PRDM1: variants seen among roughly 807,000 people sequenced by gnomAD.
The protein encoded by PRDM1 is PR domain zinc finger protein 1.
Under a neutral mutation model 62.8 loss-of-function variants are expected in PRDM1, and 13 were observed. That is an observed-to-expected ratio of 0.21 (90% CI 0.13 to 0.33). The LOEUF is 0.33. Among genes scored for constraint, PRDM1 ranks in the 10% least tolerant of loss-of-function variants. The pLI, the probability that PRDM1 is intolerant of heterozygous loss-of-function variation, is 1.00. For missense variants in PRDM1, 895 were observed against 1,058.8 expected (o/e 0.85, Z 2.15); for synonymous variants, 396 against 417.6 (o/e 0.95, Z 0.63).
chr6:106,031,979 T>C (rs1361373734), intron 1 of PRDM1, among the ~76,000 whole-genome samples: 1 of 152,298 alleles, frequency 6.6e-6, no homozygotes, highest in African/African-American at 2.4e-5. Context: ...GGAAACTTAT[T>C]TATTTTTCCT....
At chr6:106,093,858 A>G (rs1347038921) in intron 2 of PRDM1, among the ~76,000 whole-genome samples, 1 of 152,234 alleles carries the variant, frequency 6.6e-6, no homozygotes, top group Non-Finnish European at 1.5e-5. Context: ...TAAAGGACCA[A>G]AAATAACACT....
intron 1 of PRDM1, among the ~76,000 whole-genome samples, chr6:106,074,118 C>A (rs1385866686): frequency 6.6e-6 from 1 of 152,148 alleles, no homozygotes; most frequent in Non-Finnish European, 1.5e-5. Flanking sequence ...TACAAGGCCA[C>A]TATAGCATCT....
intron 1 of PRDM1, among the ~76,000 whole-genome samples, chr6:106,004,526 C>T (rs535713963): frequency 6.6e-6 from 1 of 152,176 alleles, no homozygotes; most frequent in African/African-American, 2.4e-5. Context: ...TATAGTTTGA[C>T]AAAAGAGCCA....
At position 106,109,377 on chromosome 6, in the gene PRDM1, C is replaced by T. The variant is rs1039174434; in HGVS notation, c.*1891C>T. On this transcript the variant is annotated 3_prime_UTR_variant, in exon 7 of 7. Coordinates refer to ENST00000369096, the MANE Select transcript of PRDM1 (RefSeq NM_001198.4). ...AACTGACTTTACCGCTGCAATTTTT[C>T]TGTTTTCCTCCTTACTAAATACTGA... The T allele has an allele frequency of 8.6e-6, 2 of 233,012 alleles. No individual in the cohort carries two copies. The highest frequency in any genetic ancestry group is 6.0e-5 in the East Asian group (1 of 16,594). 14.4% of individuals were successfully genotyped at this position (233,012 alleles called of 1,614,324 possible). A position where few individuals can be genotyped will look rare whatever the true frequency, so the allele number is the denominator to read the frequency against.
chr6:106,077,684 C>A (rs1200033606), intron 1 of PRDM1, among the ~76,000 whole-genome samples: 3 of 152,240 alleles, frequency 2.0e-5, no homozygotes, highest in East Asian at 3.8e-4. Context: ...ATTTCACATG[C>A]TGTGTTTTCA....
intron 3 of PRDM1, chr6:106,098,929 G>A (rs959921328): frequency 8.6e-6 from 13 of 1,517,112 alleles, no homozygotes; most frequent in African/African-American, 5.5e-5. Context: ...CAGCATAATC[G>A]GAACTGAAGT....
intron 1 of PRDM1, among the ~76,000 whole-genome samples, chr6:105,996,929 A>G (rs1483309975): frequency 6.6e-6 from 1 of 152,244 alleles, no homozygotes; most frequent in Non-Finnish European, 1.5e-5. Flanking sequence ...ATTGAAATAA[A>G]TAAGAAAACA....
intron 1 of PRDM1, among the ~76,000 whole-genome samples, chr6:106,016,368 T>G (rs1772619953): frequency 6.6e-6 from 1 of 152,102 alleles, no homozygotes; most frequent in Admixed American, 6.5e-5. Context: ...TTTTAAAAAT[T>G]TATATTATTT....
rs1772324589 is a variant in PRDM1, at chr6:105,994,742, C to T, written c.-67+1103C>T. Among the ~76,000 whole-genome samples, 1 of 152,210 alleles carries T rather than the reference C, an allele frequency of 6.6e-6. No individual in the cohort carries two copies. The highest frequency in any genetic ancestry group is 1.5e-5 in the Non-Finnish European group (1 of 68,036). Reference sequence around the variant, plus strand: ...TCCTCCTGCGGTCAAAGCATCAGTCCTGCCCGTAACTTCCTAACGACATCT... The same window carrying T: ...TCCTCCTGCGGTCAAAGCATCAGTCTTGCCCGTAACTTCCTAACGACATCT... On this transcript the variant is annotated intron_variant, in intron 1 of 6. Coordinates refer to the PRDM1 transcript ENST00000652320. The surrounding 1 kb of genome is among the most constrained non-coding windows in gnomAD (Gnocchi z 4.1).
chr6:106,105,686 C>T lies in PRDM1; in HGVS notation c.1526C>T (p.Ala509Val). The part of the protein sequence containing the change: ...TGAAASMKDK[A>V]CSPTSGSPTA... ...GCCGCCGCCAGCATGAAGGACAAGG[C>T]CTGTAGCCCCACAAGCGGGTCTCCC... The change falls in exon 5 of 7, where the codon GCC becomes GTC. Residue 509 changes from alanine to valine, a missense_variant. Transcript: ENST00000369096. The T allele has an allele frequency of 2.5e-6, 4 of 1,613,696 alleles. No homozygotes were observed. The highest frequency in any genetic ancestry group is 1.1e-5 in the South Asian group (1 of 91,050).
chr6:106,019,198 G>A (rs1002909441), intron 1 of PRDM1, among the ~76,000 whole-genome samples: 2 of 146,604 alleles, frequency 1.4e-5, no homozygotes, highest in Admixed American at 1.4e-4. Context: ...CCTGGGAGGT[G>A]GAGGTGGAGG....
At chr6:106,054,343 T>C (rs1466677880) in intron 1 of PRDM1, among the ~76,000 whole-genome samples, 2 of 152,140 alleles carry the variant, frequency 1.3e-5, no homozygotes, top group Non-Finnish European at 2.9e-5. Context: ...TTTGTGTGTA[T>C]ACCTGGTGTA....
At chr6:106,071,234 C>CT (rs1206908812) in intron 1 of PRDM1, among the ~76,000 whole-genome samples, 4 of 151,848 alleles carry the variant, frequency 2.6e-5, no homozygotes, top group African/African-American at 9.7e-5. Context: ...GATCACACCA[C>CT]TGTACTCCAG....
In PRDM1 at chr6:106,007,481, A is replaced by G. The variant is rs530364741; in HGVS notation, c.-67+13842A>G. On this transcript the variant is annotated intron_variant, in intron 1 of 6. Transcript: ENST00000652320. ...AAAGGCAACTGTCATTTTTGTTACA[A>G]TACTATTTGAGCAGACCATTCATGT... Among the ~76,000 whole-genome samples the G allele has an allele frequency of 3.3e-5, 5 of 152,330 alleles. No homozygotes were observed. The East Asian group carries it at 9.6e-4, about 29-fold the overall frequency.
intron 1 of PRDM1, among the ~76,000 whole-genome samples, chr6:106,024,166 A>G (rs554412926): frequency 7.5e-4 from 114 of 152,028 alleles, no homozygotes; most frequent in Admixed American, 2.4e-3. Flanking sequence ...ATCAGTGCCT[A>G]CGTGTTAATT....
chr6:106,073,098 CTCTTT>C (rs749499964), intron 1 of PRDM1, among the ~76,000 whole-genome samples: 12 of 148,696 alleles, frequency 8.1e-5, no homozygotes, highest in Middle Eastern at 3.5e-3. Context: ...TCTCAATTTC[CTCTTT>C]TCTTTTTTTT....
chr6:106,006,531 A>G (rs1395169939), intron 1 of PRDM1, among the ~76,000 whole-genome samples: 1 of 151,896 alleles, frequency 6.6e-6, no homozygotes, highest in African/African-American at 2.4e-5. Context: ...TGTAGAAGAT[A>G]CTTTCTCTTT....
chr6:106,104,237 G>C (rs1403125022), intron 4 of PRDM1, among the ~76,000 whole-genome samples: 1 of 147,392 alleles, frequency 6.8e-6, no homozygotes, highest in African/African-American at 2.5e-5. Flanking sequence ...TTGAGACAGA[G>C]TTTTGCTCTT....
At chr6:106,082,321 T>G (rs371921468), upstream of PRDM1, among the ~76,000 whole-genome samples, 1 of 152,210 alleles carries the variant, frequency 6.6e-6, no homozygotes, top group African/African-American at 2.4e-5. Context: ...TGTCTGAATA[T>G]TCACTATGAT....
Sources: gnomAD v4.1 joint callset for allele counts (sites outside exome capture counted in the v4.1 genomes callset) on GRCh38, gnomAD v4.1.1 for gene constraint, Gnocchi (gnomAD v3.1) non-coding constraint, MANE v1.5 for transcripts, NCBI Gene and HGNC (gene_info 2026-07-23, HGNC 2026-07-21) for gene names.